The following KAT6B variants were observed in gnomAD, a reference collection of about 807,000 sequenced individuals.
The protein encoded by KAT6B is histone acetyltransferase KAT6B.
In KAT6B, 10 loss-of-function variants were observed where a neutral mutation model predicts 187.5. That is an observed-to-expected ratio of 0.05 (90% CI 0.03 to 0.09). The LOEUF (loss-of-function observed/expected upper bound fraction) is 0.09, where lower values mean the gene tolerates loss of function less well. Ranked by LOEUF, KAT6B falls within the 10% of genes least tolerant of loss-of-function variation. KAT6B has a pLI of 1.00. For synonymous variants in KAT6B, 861 were observed against 926.8 expected, an observed-to-expected ratio of 0.93 and a Z score of 1.29; for missense variants, 1,952 against 2,558.9, an observed-to-expected ratio of 0.76 and a Z score of 5.12.
At chr10:74,846,079 G>T (rs1427836480) in intron 3 of KAT6B, among the ~76,000 whole-genome samples, 1 of 151,994 alleles carries the variant, frequency 6.6e-6, no homozygotes. Flanking sequence ...GCCCAGGCTG[G>T]TCTCGATCTC....
At position 75,022,087 on chromosome 10, in the gene KAT6B, G is replaced by C; in HGVS notation, c.3228G>C (p.Glu1076Asp). Residue 1076 changes from glutamate (E) to aspartate (D), a missense_variant, in exon 16 of 18, where the codon GAG (glutamate) becomes GAC (aspartate). Physicochemically the swap from Glu to Asp is conservative, Grantham distance 45. Around this residue, in one of 9 missense-constraint regions of KAT6B, gnomAD observed 758 missense variants for 891.4 expected, o/e 0.85. Coordinates refer to ENST00000287239, the MANE Select transcript of KAT6B (RefSeq NM_012330.4). ...KESSEEEEEE[E>D]DEEEEEEEEE... ...GCAGTGAAGAAGAAGAGGAGGAGGA[G>C]GACGAGGAGGAGGAAGAAGAGGAGG... 6.2e-7 allele frequency: 1 copy of C among 1,603,892 alleles called. No individual in the cohort carries two copies. The highest frequency in any genetic ancestry group is 8.5e-7 in the Non-Finnish European group (1 of 1,171,768).
intron 3 of KAT6B, among the ~76,000 whole-genome samples, chr10:74,938,496 G>C (rs1316381000): frequency 2.6e-5 from 4 of 152,112 alleles, no homozygotes; most frequent in Non-Finnish European, 4.4e-5. Flanking sequence ...AAAGAAGGGA[G>C]AGAGGAAGAA....
chr10:74,841,051 A>G (rs1841710448), intron 2 of KAT6B, among the ~76,000 whole-genome samples: 1 of 152,260 alleles, frequency 6.6e-6, no homozygotes, highest in Admixed American at 6.5e-5. Flanking sequence ...AGTGATAACT[A>G]TATATTGAAT....
chr10:74,963,378 G>A (rs1469668467), intron 4 of KAT6B, among the ~76,000 whole-genome samples: 2 of 152,204 alleles, frequency 1.3e-5, no homozygotes, highest in Non-Finnish European at 2.9e-5. Context: ...TGAGTTGTGT[G>A]CATGTGTGTT....
intron 3 of KAT6B, among the ~76,000 whole-genome samples, chr10:74,888,965 C>T (rs1053453732): frequency 2.6e-5 from 4 of 152,240 alleles, no homozygotes; most frequent in South Asian, 2.1e-4. Flanking sequence ...AATTCTAAAA[C>T]ATGCTTTTCA....
chr10:74,850,138 CCGTGTTAG>C (rs1418010317), intron 3 of KAT6B, among the ~76,000 whole-genome samples: 34 of 152,200 alleles, frequency 2.2e-4, no homozygotes, highest in Admixed American at 1.8e-3. Context: ...CGGGGTTTCA[CCGTGTTAG>C]CCAGGATGGT....
rs1846299675 is a variant in KAT6B, at chr10:75,031,222, GTTTTTC to G, written c.*182_*187del. On this transcript the variant is annotated 3_prime_UTR_variant, in exon 18 of 18. Transcript: ENST00000287239. ...TGCAGCAGAAAGCCTTATACAAGTT[GTTTTTC>G]TTTTTTTCCTTTTTCTTTTTTTTGG... 1.4e-6 allele frequency: 1 copy of G among 721,586 alleles called. No individual in the cohort carries two copies. The highest frequency in any genetic ancestry group is 1.8e-5 in the African/African-American group (1 of 55,490). 44.7% of individuals were successfully genotyped at this position (721,586 alleles called of 1,614,324 possible). A position where few individuals can be genotyped will look rare whatever the true frequency, so the allele number is the denominator to read the frequency against.
intron 3 of KAT6B, among the ~76,000 whole-genome samples, chr10:74,849,379 C>T (rs1013814272): frequency 2.0e-5 from 3 of 151,868 alleles, no homozygotes; most frequent in East Asian, 1.9e-4. Flanking sequence ...CTGCAACCTC[C>T]GCCTCCCAGT....
intron 3 of KAT6B, among the ~76,000 whole-genome samples, chr10:74,940,856 C>T (rs1007101615): frequency 1.3e-5 from 2 of 152,192 alleles, no homozygotes; most frequent in Non-Finnish European, 2.9e-5. Context: ...TCTGTATTTT[C>T]TCTCCAACTC....
rs116942429 is a variant in KAT6B, at chr10:74,922,755, C to T, written c.622-37215C>T. ...TTACATCCTAAAGGTATTACAGGCC[C>T]CATGGTAAACTTTTTGGCTCAAGTG... On this transcript the variant is annotated intron_variant, in intron 3 of 17. Coordinates refer to ENST00000287239, the MANE Select transcript of KAT6B (RefSeq NM_012330.4). Among the ~76,000 whole-genome samples the T allele has an allele frequency of 3.2e-3, 489 of 152,204 alleles. 2 individuals are homozygous for T. The highest frequency in any genetic ancestry group is 3.4e-3 in the Non-Finnish European group (233 of 68,026).
In KAT6B at chr10:74,981,847, G is replaced by A. The variant is rs1192209152; in HGVS notation, c.2292G>A (p.Leu764=). The A allele has an allele frequency of 6.3e-7, 1 of 1,590,978 alleles. No individual in the cohort carries two copies. The highest frequency in any genetic ancestry group is 8.6e-7 in the Non-Finnish European group (1 of 1,159,112). The change falls in exon 11 of 18, where the codon TTG becomes TTA. Residue 764 remains leucine (L), a synonymous_variant. Transcript: ENST00000287239. The part of the protein sequence containing the change: ...CLKYMKSKNI[L]LRHSKKCGWF... ...AATATATGAAAAGTAAAAATATTTTGCTAAGACACTCCAAGAAGTGTGGAT... is the reference window on the plus strand; with the variant it reads ...AATATATGAAAAGTAAAAATATTTTACTAAGACACTCCAAGAAGTGTGGAT...
rs1006259192 is a variant in KAT6B, at chr10:74,906,744, A to T, written c.622-53226A>T. ...CTGAGCTTGGGAGTTGGGATGGTTT[A>T]CAGTCTTGGCTTCAGTCCACTTTTC... On this transcript the variant is annotated intron_variant, in intron 3 of 17. Coordinates refer to ENST00000287239, the MANE Select transcript of KAT6B (RefSeq NM_012330.4). Among the ~76,000 whole-genome samples the T allele has an allele frequency of 3.3e-5, 5 of 152,180 alleles. 1 individual carries two copies. The South Asian group carries it at 1.0e-3, about 32-fold the overall frequency.
At chr10:75,020,124 T>C (rs1259094377) in intron 13 of KAT6B, among the ~76,000 whole-genome samples, 2 of 152,190 alleles carry the variant, frequency 1.3e-5, no homozygotes, top group African/African-American at 4.8e-5. Context: ...TCTCTTTTTA[T>C]TAAGACCCAG....
chr10:75,010,398 T>C (rs931128588), intron 13 of KAT6B, among the ~76,000 whole-genome samples: 10 of 152,236 alleles, frequency 6.6e-5, no homozygotes, highest in Non-Finnish European at 1.3e-4. Context: ...CTTTTTGAAA[T>C]GTACTTTGTT....
Position 75,028,545 on chromosome 10 carries a change from C to A in KAT6B, c.3721C>A (p.Pro1241Thr). ...LKEGSKDNPE[P>T]LKCKQVWPKG... ...AGAAGGCAGTAAAGACAATCCCGAA[C>A]CTCTAAAGTGCAAACAAGTGTGGCC... The change falls in exon 18 of 18, where the codon CCT (proline) becomes ACT (threonine). Residue 1241 changes from proline (P) to threonine (T), a missense_variant. Transcript: ENST00000287239. 6.2e-7 allele frequency: 1 copy of A among 1,614,156 alleles called. No homozygotes were observed. The highest frequency in any genetic ancestry group is 1.1e-5 in the South Asian group (1 of 91,076).
chr10:74,878,316 A>T (rs934836117), intron 3 of KAT6B, among the ~76,000 whole-genome samples: 1 of 152,150 alleles, frequency 6.6e-6, no homozygotes, highest in Non-Finnish European at 1.5e-5. Context: ...TCAGCCAGGG[A>T]GACTATAGTG....
chr10:74,960,332 G>A (rs1270539167), intron 4 of KAT6B, among the ~76,000 whole-genome samples: 4 of 152,008 alleles, frequency 2.6e-5, no homozygotes, highest in Admixed American at 2.6e-4. Context: ...ACCAGCATTG[G>A]TAATTCAGTG....
At chr10:74,992,067 T>C (rs973857256) in intron 13 of KAT6B, among the ~76,000 whole-genome samples, 5 of 152,268 alleles carry the variant, frequency 3.3e-5, no homozygotes, top group Admixed American at 2.0e-4. Flanking sequence ...TCTGCTCTGG[T>C]TTTTTAAAGG....
intron 12 of KAT6B, among the ~76,000 whole-genome samples, chr10:74,986,252 G>C (rs1348591526): frequency 1.3e-5 from 2 of 152,118 alleles, no homozygotes; most frequent in Non-Finnish European, 2.9e-5. Context: ...GTTTGGAGAT[G>C]TTTACCAGGT....
Sources: gnomAD v4.1 joint callset for allele counts (sites outside exome capture counted in the v4.1 genomes callset) on GRCh38, gnomAD v4.1.1 for gene constraint, gnomAD v4.1.1 regional missense constraint, MANE v1.5 for transcripts, NCBI Gene and HGNC (gene_info 2026-07-23, HGNC 2026-07-21) for gene names.